The following DOCK4 variants were observed in gnomAD, a reference collection of about 807,000 sequenced individuals.
The protein encoded by DOCK4 is dedicator of cytokinesis protein 4.
A neutral mutation model predicts 268.1 loss-of-function variants in DOCK4; 97 were observed. The ratio of observed to expected loss-of-function variants is 0.36; its 90% CI spans 0.31 to 0.43. The LOEUF (loss-of-function observed/expected upper bound fraction) is 0.43, where lower values mean the gene tolerates loss of function less well. Ranked by LOEUF, DOCK4 falls within the 20% of genes least tolerant of loss-of-function variation. The pLI is 1.00. For synonymous variants in DOCK4, 954 were observed against 887.2 expected (o/e 1.08, Z -1.34); for missense variants, 2,145 against 2,455.7 (o/e 0.87, Z 2.67).
At chr7:112,146,710 G>C (rs1402679670) in intron 1 of DOCK4, among the ~76,000 whole-genome samples, 11 of 152,188 alleles carry the variant, frequency 7.2e-5, no homozygotes, top group Non-Finnish European at 1.6e-4. Context: ...TTTTGCCTGG[G>C]CAACAGTGTA....
chr7:111,867,945 ATCGTTT>A lies in DOCK4; in HGVS notation c.2280+33_2280+38del, dbSNP rs141731124. 2,075 of 1,476,894 alleles carry A rather than the reference ATCGTTT, an allele frequency of 1.4e-3. 31 individuals are homozygous for A. The African/African-American group carries it at 0.027, about 19-fold the overall frequency. The allele number at this position is 1,476,894 out of a possible 1,614,324, so 91.5% of individuals were successfully genotyped here. ...GTGTAAAAATAAATAAACTGCACTT[ATCGTTT>A]TCTTCTATTCAGCATAGATGAAAAG... On this transcript the variant is annotated intron_variant, in intron 22 of 52. Coordinates refer to ENST00000428084, the MANE Select transcript of DOCK4 (RefSeq NM_001363540.2).
At chr7:111,959,100 C>T (rs1796663906) in intron 8 of DOCK4, among the ~76,000 whole-genome samples, 1 of 152,088 alleles carries the variant, frequency 6.6e-6, no homozygotes, top group Admixed American at 6.5e-5. Flanking sequence ...GCAGGAGTGC[C>T]TTTCAACAGG....
At chr7:112,197,882 G>GT (rs1373688834) in intron 1 of DOCK4, among the ~76,000 whole-genome samples, 6 of 145,558 alleles carry the variant, frequency 4.1e-5, no homozygotes, top group Non-Finnish European at 7.5e-5. Flanking sequence ...TCACCTGAAT[G>GT]TTTTGCAGGT....
intron 26 of DOCK4, among the ~76,000 whole-genome samples, chr7:111,827,404 G>C (rs755416965): frequency 4.6e-5 from 7 of 152,166 alleles, no homozygotes; most frequent in Non-Finnish European, 8.8e-5. Flanking sequence ...TAATGTTCCA[G>C]GTTCTGTGCT....
At chr7:111,809,619 GA>G (rs1800934353) in intron 28 of DOCK4, among the ~76,000 whole-genome samples, 1 of 152,146 alleles carries the variant, frequency 6.6e-6, no homozygotes, top group Non-Finnish European at 1.5e-5. Context: ...TTTCTAAAGT[GA>G]AGAAGTAACT....
chr7:111,872,391 C>T (rs1420348319), intron 18 of DOCK4, 39 bp from the exon 19 acceptor site: 5 of 1,525,718 alleles, frequency 3.3e-6, no homozygotes, highest in Admixed American at 2.0e-5. Flanking sequence ...AAATAAGATA[C>T]TATCTGTCTT....
chr7:111,856,200 G>A (rs989077678), intron 23 of DOCK4, among the ~76,000 whole-genome samples: 1 of 152,196 alleles, frequency 6.6e-6, no homozygotes, highest in African/African-American at 2.4e-5. Context: ...CCTTTCCCCA[G>A]TAATGTGCTT....
chr7:112,047,935 C>T (rs772077458), intron 1 of DOCK4, among the ~76,000 whole-genome samples: 2 of 152,142 alleles, frequency 1.3e-5, no homozygotes, highest in Non-Finnish European at 2.9e-5. Flanking sequence ...AAGGGATCCT[C>T]CCACCTTCAC....
chr7:112,083,866 C>A (rs1417182980), intron 1 of DOCK4, among the ~76,000 whole-genome samples: 1 of 152,144 alleles, frequency 6.6e-6, no homozygotes, highest in Non-Finnish European at 1.5e-5. Context: ...TCCCTAACCA[C>A]CTCATGGAAT....
intron 27 of DOCK4, among the ~76,000 whole-genome samples, chr7:111,815,191 A>C (rs1462701192): frequency 6.6e-6 from 1 of 152,174 alleles, no homozygotes; most frequent in East Asian, 1.9e-4. Context: ...TAGGATGAGG[A>C]GTAGGGCCTC....
rs151176849 is a variant in DOCK4 at position 111,886,001 on chromosome 7, A to G, written c.1588-8815T>C. The stretch of plus-strand genomic sequence containing the variant: ...GGCTACTTTTTGACTACTGTCTTAG[A>G]TATGTGAAAGAGAATGTCAGTGGTC... On this transcript the variant is annotated intron_variant, in intron 16 of 52. Coordinates refer to ENST00000428084, the MANE Select transcript of DOCK4 (RefSeq NM_001363540.2). 4.3e-3 allele frequency among the ~76,000 whole-genome samples: 657 copies of G among 152,306 alleles called. 8 individuals are homozygous for G. The highest frequency in any genetic ancestry group is 0.015 in the African/African-American group (627 of 41,576).
chr7:112,000,809 TG>T (rs1800362189), intron 2 of DOCK4, among the ~76,000 whole-genome samples: 1 of 152,206 alleles, frequency 6.6e-6, no homozygotes, highest in Non-Finnish European at 1.5e-5. Flanking sequence ...ATCAGAGCAT[TG>T]GGCTTCAATT....
chr7:111,959,082 G>A (rs1200898238), intron 8 of DOCK4, among the ~76,000 whole-genome samples: 1 of 152,084 alleles, frequency 6.6e-6, no homozygotes, highest in Non-Finnish European at 1.5e-5. Flanking sequence ...GAAGAGGGAG[G>A]GCAGAAAGCA....
intron 14 of DOCK4, 89 bp from the exon 15 acceptor site, chr7:111,900,625 G>T: frequency 1.5e-6 from 2 of 1,357,180 alleles, no homozygotes; most frequent in Non-Finnish European, 2.0e-6. Context: ...CTATCTGCCT[G>T]CCTCTCAAAT....
intron 1 of DOCK4, among the ~76,000 whole-genome samples, chr7:112,046,027 C>G (rs1342183115): frequency 6.6e-6 from 1 of 152,110 alleles, no homozygotes; most frequent in Non-Finnish European, 1.5e-5. Flanking sequence ...GGAACTGCTG[C>G]TTAGAGAAAT....
chr7:112,050,772 G>A (rs530062952), intron 1 of DOCK4, among the ~76,000 whole-genome samples: 16 of 152,170 alleles, frequency 1.1e-4, no homozygotes, highest in Admixed American at 2.6e-4. Context: ...TTTCAATCCC[G>A]ATTTTTTTAC....
intron 1 of DOCK4, among the ~76,000 whole-genome samples, chr7:112,173,663 G>C (rs919542687): frequency 3.3e-5 from 5 of 152,114 alleles, no homozygotes; most frequent in African/African-American, 1.2e-4. Context: ...ACTGAAAACA[G>C]CATGAAGACC....
intron 44 of DOCK4, among the ~76,000 whole-genome samples, chr7:111,745,421 G>T (rs371299032): frequency 6.6e-6 from 1 of 152,070 alleles, no homozygotes. Flanking sequence ...GGTGGCTCAC[G>T]CCTGTAATCC....
chr7:111,873,682 A>G (rs1281814621), intron 17 of DOCK4, among the ~76,000 whole-genome samples: 1 of 152,210 alleles, frequency 6.6e-6, no homozygotes, highest in East Asian at 1.9e-4. Context: ...GAGAATATAG[A>G]GAACACCAGT....
Sources: gnomAD v4.1 joint callset for allele counts (sites outside exome capture counted in the v4.1 genomes callset) on GRCh38, gnomAD v4.1.1 for gene constraint, MANE v1.5 for transcripts, NCBI Gene and HGNC (gene_info 2026-07-23, HGNC 2026-07-21) for gene names.